Variants in CSMD1 observed in about 807,000 individuals in gnomAD.
The protein encoded by CSMD1 is CUB and sushi domain-containing protein 1.
CSMD1 carries 213 observed loss-of-function variants against 417.5 expected under a neutral mutation model. The ratio of observed to expected loss-of-function variants is 0.51; its 90% CI spans 0.46 to 0.57. The LOEUF is 0.57. Among genes scored for constraint, CSMD1 ranks in the 20% least tolerant of loss-of-function variants. The pLI is 0.00. For missense variants in CSMD1, 6,923 were observed against 4,529.7 expected, an observed-to-expected ratio of 1.53 and a Z score of -15.17; for synonymous variants, 2,862 against 1,736.8, an observed-to-expected ratio of 1.65 and a Z score of -16.11.
chr8:4,135,980 A>C (rs1045591341), intron 3 of CSMD1, among the ~76,000 whole-genome samples: 4 of 152,200 alleles, frequency 2.6e-5, no homozygotes, highest in African/African-American at 7.2e-5. Flanking sequence ...TGGAAGTCCT[A>C]GTCATTTTCA....
intron 49 of CSMD1, among the ~76,000 whole-genome samples, chr8:3,075,512 C>G (rs1046580821): frequency 1.3e-5 from 2 of 151,628 alleles, no homozygotes; most frequent in Non-Finnish European, 2.9e-5. Flanking sequence ...AACTCCCAAC[C>G]TCAGCTGTTC....
intron 2 of CSMD1, among the ~76,000 whole-genome samples, chr8:4,557,636 C>A (rs1421263990): frequency 6.7e-6 from 1 of 150,358 alleles, no homozygotes; most frequent in African/African-American, 2.4e-5. Flanking sequence ...TATCCCAGAA[C>A]AGAAAGGAAG....
chr8:3,949,698 G>T (rs1370357545), intron 5 of CSMD1, among the ~76,000 whole-genome samples: 2 of 152,028 alleles, frequency 1.3e-5, no homozygotes, highest in African/African-American at 4.8e-5. Context: ...ATATTATAAG[G>T]GCACATTTCC....
intron 12 of CSMD1, among the ~76,000 whole-genome samples, chr8:3,444,817 TAGG>T (rs1815201648): frequency 6.6e-6 from 1 of 152,220 alleles, no homozygotes; most frequent in Non-Finnish European, 1.5e-5. Flanking sequence ...GCTTCTTTTA[TAGG>T]AGAACCTCAG....
rs781692150 is a variant in CSMD1 at position 2,963,221 on chromosome 8, C to CGGAG, written c.9451_9454dup (p.Val3153ProfsTer16). On this transcript the variant is annotated frameshift_variant and splice_region_variant. Coordinates refer to ENST00000635120, the MANE Select transcript of CSMD1 (RefSeq NM_033225.6). LOFTEE classifies it high-confidence loss of function. ...GGAACAAATTCTGCTGTAGAACTTA[C>CGGAG]GGAGACACTGGGGGATCTCTCCTTT... 1 of 1,613,662 alleles carries CGGAG rather than the reference C, an allele frequency of 6.2e-7. No individual in the cohort carries two copies. Among genetic ancestry groups the CGGAG allele is most frequent in the African/African-American group, 1.3e-5 (1 of 74,924 alleles).
At chr8:3,075,328 G>A (rs187168861) in intron 49 of CSMD1, among the ~76,000 whole-genome samples, 1 of 147,600 alleles carries the variant, frequency 6.8e-6, no homozygotes, top group Non-Finnish European at 1.5e-5. Context: ...CCAGGCTGCA[G>A]TGGAGTGCAA....
chr8:3,967,303 C>G (rs2554503), intron 5 of CSMD1, among the ~76,000 whole-genome samples: 18,987 of 152,012 alleles, frequency 0.12, 1,240 homozygotes, highest in Middle Eastern at 0.16. Flanking sequence ...TGTTCCTTCC[C>G]TTACACCTGA....
At chr8:3,939,036 C>A (rs1810696056) in intron 5 of CSMD1, among the ~76,000 whole-genome samples, 1 of 151,850 alleles carries the variant, frequency 6.6e-6, no homozygotes, top group African/African-American at 2.4e-5. Context: ...ATTTTTATTC[C>A]ATCATAGTAA....
chr8:4,716,813 C>G (rs181384926), intron 1 of CSMD1, among the ~76,000 whole-genome samples: 1 of 152,222 alleles, frequency 6.6e-6, no homozygotes, highest in East Asian at 1.9e-4. Flanking sequence ...TTGCCATTTT[C>G]AAACATCTCT....
At chr8:4,414,734 G>T (rs1213725190) in intron 3 of CSMD1, among the ~76,000 whole-genome samples, 1 of 152,188 alleles carries the variant, frequency 6.6e-6, no homozygotes, top group East Asian at 1.9e-4. Flanking sequence ...AAGTTAAGTT[G>T]TGGTTGAGTT....
chr8:4,511,702 G>A (rs949772144), intron 2 of CSMD1, among the ~76,000 whole-genome samples: 1 of 152,170 alleles, frequency 6.6e-6, no homozygotes, highest in Non-Finnish European at 1.5e-5. Flanking sequence ...AGCCGTAACT[G>A]ATGAACTGCT....
At chr8:4,193,954 A>G (rs1799187485) in intron 3 of CSMD1, among the ~76,000 whole-genome samples, 3 of 151,900 alleles carry the variant, frequency 2.0e-5, no homozygotes, top group Admixed American at 2.0e-4. Context: ...GCTGCAGGTA[A>G]TTTATATTCT....
intron 1 of CSMD1, among the ~76,000 whole-genome samples, chr8:4,940,994 G>A (rs1327801650): frequency 6.6e-6 from 1 of 152,142 alleles, no homozygotes; most frequent in African/African-American, 2.4e-5. Flanking sequence ...TAAAGTTCAA[G>A]AAAGAGCGAT....
intron 10 of CSMD1, among the ~76,000 whole-genome samples, chr8:3,571,578 C>A (rs1010334440): frequency 6.6e-6 from 1 of 152,138 alleles, no homozygotes; most frequent in African/African-American, 2.4e-5. Flanking sequence ...GTTTCCCACA[C>A]CCACGGCACC....
At chr8:3,606,135 A>G (rs1801600385) in intron 8 of CSMD1, among the ~76,000 whole-genome samples, 1 of 152,222 alleles carries the variant, frequency 6.6e-6, no homozygotes, top group South Asian at 2.1e-4. Flanking sequence ...CTGGGTGTAA[A>G]GAGCCCCTCG....
At chr8:4,746,153 G>T (rs1480994454) in intron 1 of CSMD1, among the ~76,000 whole-genome samples, 1 of 152,014 alleles carries the variant, frequency 6.6e-6, no homozygotes, top group Non-Finnish European at 1.5e-5. Context: ...TGTTTCTTGG[G>T]CTTTGCACCT....
rs190683395 is a variant in CSMD1 at position 4,776,457 on chromosome 8, T to G, written c.86-138899A>C. Among the ~76,000 whole-genome samples the G allele has an allele frequency of 3.4e-3, 516 of 152,264 alleles. 14 individuals are homozygous for G. Among genetic ancestry groups the G allele is most frequent in the Admixed American group, 0.03 (453 of 15,276 alleles). ...ATCCTCATGTTATATTAGGCAGCAC[T>G]CGGGCTCAGAGAACAAGAAGCAGAG... On this transcript the variant is annotated intron_variant, in intron 1 of 69. Coordinates refer to ENST00000635120, the MANE Select transcript of CSMD1 (RefSeq NM_033225.6).
At chr8:3,405,386 A>G (rs1036380424) in intron 15 of CSMD1, among the ~76,000 whole-genome samples, 2 of 152,198 alleles carry the variant, frequency 1.3e-5, no homozygotes, top group African/African-American at 4.8e-5. Context: ...TATTTATTAG[A>G]TAAGTAACCA....
At chr8:4,795,172 T>C (rs1056408170) in intron 1 of CSMD1, among the ~76,000 whole-genome samples, 1 of 150,702 alleles carries the variant, frequency 6.6e-6, no homozygotes, top group Non-Finnish European at 1.5e-5. Flanking sequence ...AGTAGCCACA[T>C]TTTTAGGTGA....
Sources: gnomAD v4.1 joint callset for allele counts (sites outside exome capture counted in the v4.1 genomes callset) on GRCh38, gnomAD v4.1.1 for gene constraint, MANE v1.5 for transcripts, NCBI Gene and HGNC (gene_info 2026-07-23, HGNC 2026-07-21) for gene names.